NCOR2: variants seen among roughly 807,000 people sequenced by gnomAD.
The protein encoded by NCOR2 is nuclear receptor corepressor 2.
A neutral mutation model predicts 262.9 loss-of-function variants in NCOR2; 81 were observed. The observed-to-expected ratio is 0.31, with a 90% CI of 0.26 to 0.37. The LOEUF is 0.37. NCOR2 is among the 10% of genes least tolerant of loss of function. The pLI is 1.00. For missense variants in NCOR2, 3,385 were observed against 3,621.4 expected (o/e 0.93, Z 1.68); for synonymous variants, 1,659 against 1,559.3 (o/e 1.06, Z -1.51).
intron 2 of NCOR2, among the ~76,000 whole-genome samples, chr12:124,484,980 C>T (rs987866215): frequency 6.6e-6 from 1 of 152,190 alleles, no homozygotes; most frequent in African/African-American, 2.4e-5. Context: ...GGGCAGCCAC[C>T]CCTCTGTGCT....
chr12:124,382,846 C>T (rs2040511391), intron 17 of NCOR2, among the ~76,000 whole-genome samples: 1 of 152,242 alleles, frequency 6.6e-6, no homozygotes, highest in Non-Finnish European at 1.5e-5. Flanking sequence ...AAGAAACACA[C>T]TTGTTCTTCA....
At chr12:124,340,526 G>A (rs2135818169) in intron 35 of NCOR2, 76 bp downstream of exon 37, 1 of 1,553,014 alleles carries the variant, frequency 6.4e-7, no homozygotes, top group Non-Finnish European at 8.7e-7. Context: ...AAGAGAGCAG[G>A]GCTTCTGCCC....
intron 20 of NCOR2, among the ~76,000 whole-genome samples, chr12:124,368,350 CT>C (rs1323710414): frequency 6.6e-6 from 1 of 152,206 alleles, no homozygotes; most frequent in Admixed American, 6.5e-5. Context: ...AGTACATCCC[CT>C]CTCCACCCAG....
intron 22 of NCOR2, among the ~76,000 whole-genome samples, chr12:124,357,778 G>A (rs73223579): frequency 3.3e-5 from 5 of 152,228 alleles, no homozygotes; most frequent in Non-Finnish European, 5.9e-5. Flanking sequence ...CAATGTTGAA[G>A]GAGGTAACCT....
At chr12:124,471,230 C>A (rs772407333) in intron 4 of NCOR2, among the ~76,000 whole-genome samples, 1 of 152,210 alleles carries the variant, frequency 6.6e-6, no homozygotes, top group Non-Finnish European at 1.5e-5. Flanking sequence ...ACCCAGCTAC[C>A]AGGGCACCTC....
At chr12:124,351,985 C>T (rs139350165) in intron 27 of NCOR2, among the ~76,000 whole-genome samples, 86 of 152,286 alleles carry the variant, frequency 5.6e-4, no homozygotes, top group African/African-American at 1.9e-3. Flanking sequence ...GGGAGTTCAC[C>T]GCAGATCCTG....
chr12:124,356,714 C>T (rs572797192), exon 23 of NCOR2: 10 of 1,494,808 alleles, frequency 6.7e-6, no homozygotes, highest in Middle Eastern at 1.7e-4. Flanking sequence ...CGGGGGGGCA[C>T]GGGGAAGGGC....
At chr12:124,394,039 C>T (rs2041496304) in intron 16 of NCOR2, among the ~76,000 whole-genome samples, 2 of 152,362 alleles carry the variant, frequency 1.3e-5, no homozygotes, top group East Asian at 1.9e-4. Context: ...ATCGCCGGGG[C>T]GAAGACAGAG....
At chr12:124,352,152 G>A (rs112052508) in intron 27 of NCOR2, among the ~76,000 whole-genome samples, 6 of 152,154 alleles carry the variant, frequency 3.9e-5, no homozygotes, top group African/African-American at 1.2e-4. Flanking sequence ...GTGACAGCTC[G>A]GGGCAGCCAC....
At chr12:124,556,893 A>T (rs953057643) in intron 1 of NCOR2, among the ~76,000 whole-genome samples, 3 of 151,426 alleles carry the variant, frequency 2.0e-5, no homozygotes, top group Non-Finnish European at 4.4e-5. Flanking sequence ...AAGGAATGAG[A>T]CGAGGCCTGC....
upstream of NCOR2, among the ~76,000 whole-genome samples, chr12:124,536,754 T>C (rs914896488): frequency 1.2e-4 from 18 of 152,210 alleles, no homozygotes; most frequent in African/African-American, 4.3e-4. Context: ...GGCCATTTCT[T>C]ATAGTTAAAC....
At chr12:124,352,944 G>A (rs1395194141) in intron 27 of NCOR2, among the ~76,000 whole-genome samples, 1 of 152,224 alleles carries the variant, frequency 6.6e-6, no homozygotes, top group Non-Finnish European at 1.5e-5. Flanking sequence ...TGGGAACCAC[G>A]TGGTCCCTGC....
chr12:124,479,792 G>A (rs555338927), intron 3 of NCOR2, among the ~76,000 whole-genome samples: 1 of 152,372 alleles, frequency 6.6e-6, no homozygotes, highest in Non-Finnish European at 1.5e-5. Context: ...AGACCAGAGG[G>A]GAGACCCACA....
intron 29 of NCOR2, 124 bp downstream of exon 31, chr12:124,348,050 C>A (rs116591462): frequency 4.7e-6 from 7 of 1,494,284 alleles, no homozygotes; most frequent in African/African-American, 4.1e-5. Context: ...AAGGTCCCTG[C>A]GCTACCTCCA....
exon 29 of NCOR2, chr12:124,348,264 C>T: frequency 6.2e-7 from 1 of 1,613,180 alleles, no homozygotes; most frequent in South Asian, 1.1e-5. Flanking sequence ...TGGGGGGGTC[C>T]TGAGCTGCTT....
chr12:124,376,316 C>T (rs891722653), intron 18 of NCOR2, among the ~76,000 whole-genome samples: 1 of 152,216 alleles, frequency 6.6e-6, no homozygotes, highest in Non-Finnish European at 1.5e-5. Flanking sequence ...GGGGTCGTTG[C>T]CACACAGTCC....
In NCOR2 at chr12:124,550,122, A is replaced by AG. The variant is rs145091441; in HGVS notation, c.-164-14512dup. Among the ~76,000 whole-genome samples the AG allele has an allele frequency of 0.014, 2,139 of 151,750 alleles. 134 individuals are homozygous for AG. The East Asian group carries it at 0.18, about 13-fold the overall frequency. ...CTACTGGGGTCTGGTGGATGGAAGC[A>AG]GGGGTGTTGCCCAGAGCAGCCCCTG... is the stretch of plus-strand genomic sequence containing the variant. On this transcript the variant is annotated intron_variant, in intron 1 of 32. Transcript: ENST00000458234.
chr12:124,326,259 G>A (rs2034632115), exon 46 of NCOR2: 4 of 1,560,102 alleles, frequency 2.6e-6, no homozygotes, highest in South Asian at 1.2e-5. Flanking sequence ...GTCTCCCTCC[G>A]AGTGCACTGA....
upstream of NCOR2, among the ~76,000 whole-genome samples, chr12:124,499,790 G>A (rs540877941): frequency 2.6e-5 from 4 of 152,288 alleles, no homozygotes; most frequent in Admixed American, 2.0e-4. Context: ...AGGTGGTTGC[G>A]GGGGAGAGTA....
Sources: allele counts gnomAD v4.1 joint callset (sites outside exome capture counted in the v4.1 genomes callset), GRCh38; gene constraint gnomAD v4.1.1; transcripts MANE v1.5; gene names NCBI Gene and HGNC (gene_info 2026-07-23, HGNC 2026-07-21).